Variants in GRIN2A observed in about 807,000 individuals in gnomAD.
The protein encoded by GRIN2A is glutamate ionotropic receptor NMDA type subunit 2A.
In GRIN2A, 22 loss-of-function variants were observed where a neutral mutation model predicts 113.4. The observed-to-expected ratio is 0.19, with a 90% CI of 0.14 to 0.28. The LOEUF is 0.28. Among genes scored for constraint, GRIN2A ranks in the 10% least tolerant of loss-of-function variants. The pLI is 1.00. For missense variants in GRIN2A, 1,502 were observed against 1,887.0 expected, an observed-to-expected ratio of 0.80 and a Z score of 3.78; for synonymous variants, 827 against 738.4, an observed-to-expected ratio of 1.12 and a Z score of -1.94.
At chr16:10,110,978 C>T (rs188079432) in intron 2 of GRIN2A, among the ~76,000 whole-genome samples, 6 of 152,250 alleles carry the variant, frequency 3.9e-5, no homozygotes, top group African/African-American at 1.4e-4. Context: ...CTTTTCTTAA[C>T]CTAATTACTT....
At position 9,762,985 on chromosome 16, in the gene GRIN2A, T is replaced by TA; in HGVS notation, c.*163dup. On this transcript the variant is annotated 3_prime_UTR_variant, in exon 13 of 13. Transcript: ENST00000330684. Reference sequence around the variant, plus strand: ...TCACAAGATTCCTTGAGTGGAAGATTATGGCATGAAGCCGTGTGCAAAAGA... The same window carrying TA: ...TCACAAGATTCCTTGAGTGGAAGATTAATGGCATGAAGCCGTGTGCAAAAGA... The TA allele has an allele frequency of 2.9e-6, 2 of 688,486 alleles. No homozygotes were observed. The highest frequency in any genetic ancestry group is 5.0e-6 in the Non-Finnish European group (2 of 403,662). 42.6% of individuals were successfully genotyped at this position (688,486 alleles called of 1,614,324 possible).
At chr16:10,019,002 A>T (rs1020183294) in intron 2 of GRIN2A, among the ~76,000 whole-genome samples, 1 of 152,066 alleles carries the variant, frequency 6.6e-6, no homozygotes, top group Non-Finnish European at 1.5e-5. Context: ...TTTTTTGGAA[A>T]ACGTGTTTTT....
chr16:10,029,066 A>G (rs2046878370), intron 2 of GRIN2A, among the ~76,000 whole-genome samples: 1 of 152,002 alleles, frequency 6.6e-6, no homozygotes, highest in Non-Finnish European at 1.5e-5. Flanking sequence ...CACTTTCCCA[A>G]CTCTCTCATT....
rs187055025 is a variant in GRIN2A, at chr16:9,807,568, T to C, written c.2169-9104A>G. Among the ~76,000 whole-genome samples, 392 of 152,222 alleles carry C rather than the reference T, an allele frequency of 2.6e-3. 4 individuals carry two copies. Among genetic ancestry groups the C allele is most frequent in the Non-Finnish European group, 6.6e-4 (45 of 68,000 alleles). On this transcript the variant is annotated intron_variant, in intron 10 of 12. Coordinates refer to ENST00000330684, the MANE Select transcript of GRIN2A (RefSeq NM_001134407.3). ...CCAAGTCCATCTAGCTGTAAGTACT[T>C]TGTTTCTGTTAAATGTAACGTTGGA... is the stretch of plus-strand genomic sequence containing the variant.
chr16:9,928,900 T>A (rs1201923823), intron 3 of GRIN2A, among the ~76,000 whole-genome samples: 2 of 152,206 alleles, frequency 1.3e-5, no homozygotes, highest in Middle Eastern at 3.2e-3. Flanking sequence ...CCAACCCAGA[T>A]ATATTCACCA....
chr16:10,081,326 A>G (rs1292760544), intron 2 of GRIN2A, among the ~76,000 whole-genome samples: 3 of 152,176 alleles, frequency 2.0e-5, no homozygotes, highest in Non-Finnish European at 4.4e-5. Context: ...AGATGAAGCT[A>G]TTGCGAAGTC....
intron 2 of GRIN2A, among the ~76,000 whole-genome samples, chr16:10,169,422 A>G (rs1219566274): frequency 6.6e-6 from 1 of 152,168 alleles, no homozygotes; most frequent in Non-Finnish European, 1.5e-5. Context: ...GATCTCTATC[A>G]TTGTTGTTTG....
In GRIN2A at chr16:9,760,374, ATTTTT is replaced by A. The variant is rs35189803; in HGVS notation, c.*2770_*2774del. The A allele has an allele frequency of 3.6e-3, 335 of 94,022 alleles. No individual in the cohort carries two copies. Among genetic ancestry groups the A allele is most frequent in the African/African-American group, 0.013 (257 of 20,252 alleles). The allele number at this position is 94,022 out of a possible 1,614,324, so 5.8% of individuals were successfully genotyped here. A position where few individuals can be genotyped will look rare whatever the true frequency, so the allele number is the denominator to read the frequency against. On this transcript the variant is annotated 3_prime_UTR_variant, in exon 13 of 13. Coordinates refer to ENST00000330684, the MANE Select transcript of GRIN2A (RefSeq NM_001134407.3). ...AAATTGACCATCTGATCAGTAGTTGATTTTTTTTTTTTTTTTTTTTTTTTGCTTGG... is the reference window on the plus strand; with the variant it reads ...AAATTGACCATCTGATCAGTAGTTGATTTTTTTTTTTTTTTTTTTGCTTGG...
At chr16:10,092,424 C>A (rs2048199069) in intron 2 of GRIN2A, among the ~76,000 whole-genome samples, 1 of 152,190 alleles carries the variant, frequency 6.6e-6, no homozygotes, top group Non-Finnish European at 1.5e-5. Flanking sequence ...CCTCCTTTGC[C>A]TCCAGAGGTC....
chr16:10,101,737 C>G (rs1326566085), intron 2 of GRIN2A, among the ~76,000 whole-genome samples: 1 of 152,210 alleles, frequency 6.6e-6, no homozygotes, highest in Non-Finnish European at 1.5e-5. Context: ...CTATATATCT[C>G]AGGCTACAAG....
intron 2 of GRIN2A, among the ~76,000 whole-genome samples, chr16:10,076,647 C>T (rs1311930994): frequency 6.6e-6 from 1 of 152,090 alleles, no homozygotes; most frequent in Non-Finnish European, 1.5e-5. Context: ...GAGGAAAAGA[C>T]CCAAGTTCTA....
At chr16:9,892,990 A>C (rs2043727779) in intron 3 of GRIN2A, among the ~76,000 whole-genome samples, 1 of 151,868 alleles carries the variant, frequency 6.6e-6, no homozygotes, top group Non-Finnish European at 1.5e-5. Context: ...AAGAAATTTT[A>C]AGAAGAGACA....
chr16:9,831,482 G>T (rs1216025907), intron 8 of GRIN2A, among the ~76,000 whole-genome samples: 1 of 147,540 alleles, frequency 6.8e-6, no homozygotes, highest in Non-Finnish European at 1.5e-5. Flanking sequence ...TATGTCACCT[G>T]TCTCCCTGCC....
chr16:9,846,651 G>A (rs193195003), intron 5 of GRIN2A, among the ~76,000 whole-genome samples: 3 of 152,312 alleles, frequency 2.0e-5, no homozygotes, highest in South Asian at 4.1e-4. Context: ...TCAGAAGCCA[G>A]GGAGAAGACA....
intron 10 of GRIN2A, among the ~76,000 whole-genome samples, chr16:9,799,856 A>G (rs1903249947): frequency 6.6e-6 from 1 of 152,174 alleles, no homozygotes; most frequent in Non-Finnish European, 1.5e-5. Context: ...TATCCTTGAA[A>G]TCACCATGCA....
chr16:10,071,036 C>A (rs2047740219), intron 2 of GRIN2A, among the ~76,000 whole-genome samples: 1 of 152,142 alleles, frequency 6.6e-6, no homozygotes, highest in Admixed American at 6.5e-5. Flanking sequence ...ACTACCATTT[C>A]TCCAAAACTC....
intron 2 of GRIN2A, among the ~76,000 whole-genome samples, chr16:9,945,108 G>A (rs2044986759): frequency 1.3e-5 from 2 of 152,108 alleles, no homozygotes; most frequent in South Asian, 4.2e-4. Context: ...ATAGCTTGAG[G>A]CCAGGAGTTT....
chr16:9,936,149 G>A (rs2044709838), intron 3 of GRIN2A, among the ~76,000 whole-genome samples: 2 of 152,168 alleles, frequency 1.3e-5, no homozygotes, highest in South Asian at 4.1e-4. Flanking sequence ...GGTCCTCAAA[G>A]CACAGCCCCT....
intron 2 of GRIN2A, among the ~76,000 whole-genome samples, chr16:10,008,511 CG>C (rs1567231529): frequency 6.6e-6 from 1 of 152,102 alleles, no homozygotes; most frequent in Non-Finnish European, 1.5e-5. Flanking sequence ...GACCAAAGAC[CG>C]GACCCATGAG....
Sources: allele counts gnomAD v4.1 joint callset (sites outside exome capture counted in the v4.1 genomes callset), GRCh38; gene constraint gnomAD v4.1.1; transcripts MANE v1.5; gene names NCBI Gene and HGNC (gene_info 2026-07-23, HGNC 2026-07-21).